The following ZNF473 variants were observed in gnomAD, a reference collection of about 807,000 sequenced individuals.
ZNF473 encodes the protein zinc finger protein 473, also known as zinc finger protein 100 homolog.
ZNF473 carries 4 observed loss-of-function variants against 11.1 expected under a neutral mutation model. The ratio of observed to expected loss-of-function variants is 0.36; its 90% confidence interval spans 0.18 to 0.82. ZNF473 has a LOEUF of 0.82. ZNF473 is among the 40% of genes least tolerant of loss of function. The probability of loss-of-function intolerance (pLI) is 0.49; values close to 1 mark genes in which losing one functional copy is unlikely to be tolerated. For missense variants in ZNF473, 854 were observed against 1,084.0 expected (o/e 0.79, Z 2.98); for synonymous variants, 404 against 390.4 (o/e 1.03, Z -0.41).
At chr19:50,043,564 A>G (rs1047193427) in intron 4 of ZNF473, 2 of 151,740 alleles carry the variant, frequency 1.3e-5, no homozygotes, top group Non-Finnish European at 2.9e-5. Context: ...GTCGAGTGTA[A>G]CAGAGTGCCT....
intron 1 of ZNF473, among the ~76,000 whole-genome samples, chr19:50,028,451 C>T (rs527737696): frequency 1.3e-5 from 2 of 152,126 alleles, no homozygotes; most frequent in East Asian, 3.9e-4. Context: ...AAGCGATCCT[C>T]CTACCTCAGT....
At chr19:50,037,949 C>T (rs1168621683) in intron 2 of ZNF473, among the ~76,000 whole-genome samples, 1 of 150,818 alleles carries the variant, frequency 6.6e-6, no homozygotes, top group East Asian at 1.9e-4. Flanking sequence ...AAAGGAGAGT[C>T]AAGCATTTAC....
intron 1 of ZNF473, among the ~76,000 whole-genome samples, chr19:50,027,588 A>T (rs552913318): frequency 1.3e-5 from 2 of 152,250 alleles, no homozygotes; most frequent in East Asian, 3.9e-4. Context: ...GCAGACAGGG[A>T]TCTCAAGCTC....
At chr19:50,027,197 GT>G (rs1289553983) in intron 1 of ZNF473, among the ~76,000 whole-genome samples, 7 of 152,156 alleles carry the variant, frequency 4.6e-5, no homozygotes, top group Admixed American at 1.3e-4. Flanking sequence ...ATCTGGGCCA[GT>G]TTTTGGTCAT....
At chr19:50,035,452 CGTGTGTGTGTGTGTGTGTGT>C (rs3222106) in intron 2 of ZNF473, among the ~76,000 whole-genome samples, 1 of 138,392 alleles carries the variant, frequency 7.2e-6, no homozygotes, top group Non-Finnish European at 1.5e-5. Flanking sequence ...TTCTTTCATA[CGTGTGTGTGTGTGTGTGTGT>C]GTGTGTGTGT....
intron 2 of ZNF473, among the ~76,000 whole-genome samples, chr19:50,034,409 G>A (rs1173846190): frequency 6.6e-6 from 1 of 152,048 alleles, no homozygotes; most frequent in African/African-American, 2.4e-5. Context: ...ATTTAAAAAA[G>A]TTTTTTTATT....
At chr19:50,043,446 A>C (rs866279792) in intron 4 of ZNF473, 1 of 107,364 alleles carries the variant, frequency 9.3e-6, no homozygotes, top group Admixed American at 9.9e-5. Context: ...AAAAAAAAAA[A>C]AAATATATAT....
intron 1 of ZNF473, among the ~76,000 whole-genome samples, chr19:50,027,018 C>T (rs574365157): frequency 5.9e-5 from 9 of 152,076 alleles, no homozygotes; most frequent in East Asian, 1.9e-4. Context: ...GTGTGCCAGG[C>T]GCCCTGCTGG....
rs545544517 is a variant in ZNF473 at position 50,038,710 on chromosome 19, T to C, written c.10-451T>C. 2.6e-5 allele frequency among the ~76,000 whole-genome samples: 4 copies of C among 152,280 alleles called. No individual in the cohort carries two copies. The South Asian group carries it at 8.3e-4, about 32-fold the overall frequency. On this transcript the variant is annotated intron_variant, in intron 2 of 4. Coordinates refer to ENST00000270617, the MANE Select transcript of ZNF473 (RefSeq NM_015428.4). ...GACTAATCTGTATACAGATTTTGAATGTGGTCTAGGTGTTCAGTGATTAAG... is the reference window on the plus strand; with the variant it reads ...GACTAATCTGTATACAGATTTTGAACGTGGTCTAGGTGTTCAGTGATTAAG...
chr19:50,027,782 G>A (rs572876323), intron 1 of ZNF473, among the ~76,000 whole-genome samples: 5 of 151,964 alleles, frequency 3.3e-5, no homozygotes, highest in Admixed American at 1.3e-4. Context: ...CCACCTCCCC[G>A]GTTGAAGCGA....
intron 1 of ZNF473, among the ~76,000 whole-genome samples, chr19:50,028,836 A>T (rs2077301517): frequency 6.6e-6 from 1 of 152,224 alleles, no homozygotes; most frequent in Non-Finnish European, 1.5e-5. Context: ...CTGTCAACTG[A>T]GTTATACTCG....
rs779639682 is a variant in ZNF473 at position 50,045,922 on chromosome 19, G to A, written c.1479G>A (p.Lys493=). 1 of 1,614,174 alleles carries A rather than the reference G, an allele frequency of 6.2e-7. No individual in the cohort carries two copies. The highest frequency in any genetic ancestry group is 8.5e-7 in the Non-Finnish European group (1 of 1,180,032). ...AEKPYSCAEC[K]ETFSDNNRLV... ...AGCCCTATAGCTGTGCTGAATGCAA[G>A]GAGACTTTCAGCGATAACAATCGCC... The change falls in exon 5 of 5, where the codon AAG becomes AAA. Residue 493 remains lysine (K), a synonymous_variant. Coordinates refer to ENST00000270617, the MANE Select transcript of ZNF473 (RefSeq NM_015428.4).
intron 1 of ZNF473, among the ~76,000 whole-genome samples, chr19:50,028,352 G>T (rs917233646): frequency 6.7e-6 from 1 of 150,252 alleles, no homozygotes; most frequent in East Asian, 2.0e-4. Context: ...ATCTTTCTCT[G>T]TCATTCAGGC....
Position 50,041,741 on chromosome 19 carries a change from C to T in ZNF473, c.148C>T (p.Pro50Ser), listed in dbSNP as rs149361700. The stretch of plus-strand genomic sequence containing the variant: ...TTCTCTCCCTGCAGACCCCCCAAGA[C>T]CCAACCTGACCTCCCACCCAGATGG... ...QDLFLLDPPR[P>S]NLTSHPDGSE... Residue 50 changes from proline to serine, a missense_variant, in exon 4 of 5, where the codon CCC (proline) becomes TCC (serine). By Grantham distance (74) the Pro-to-Ser change is moderately conservative. Around this residue, in one of 2 missense-constraint regions of ZNF473, gnomAD observed 668 missense variants for 790.2 expected, o/e 0.85. Coordinates refer to ENST00000270617, the MANE Select transcript of ZNF473 (RefSeq NM_015428.4). 7.7e-5 allele frequency: 124 copies of T among 1,611,916 alleles called. No individual in the cohort carries two copies. The highest frequency in any genetic ancestry group is 1.0e-4 in the Non-Finnish European group (122 of 1,179,108).
Position 50,045,807 on chromosome 19 carries a change from G to A in ZNF473, c.1364G>A (p.Gly455Asp). The stretch of plus-strand genomic sequence containing the variant: ...AATGAACATCGGCGAATTCATACAG[G>A]CTACAGACCCCACAAATGTCAGGAA... ...HLNEHRRIHT[G>D]YRPHKCQECV... Residue 455 changes from glycine (G) to aspartate (D), a missense_variant, in exon 5 of 5, where the codon GGC becomes GAC. Transcript: ENST00000270617. 6.2e-7 allele frequency: 1 copy of A among 1,614,010 alleles called. No individual in the cohort carries two copies. Among genetic ancestry groups the A allele is most frequent in the Non-Finnish European group, 8.5e-7 (1 of 1,179,972 alleles).
rs541108473 is a variant in ZNF473 at position 50,038,656 on chromosome 19, A to G, written c.10-505A>G. Among the ~76,000 whole-genome samples the G allele has an allele frequency of 2.6e-5, 4 of 152,308 alleles. No individual in the cohort carries two copies. In the South Asian group the frequency reaches 8.3e-4, roughly 32 times the overall value. On this transcript the variant is annotated intron_variant, in intron 2 of 4. Transcript: ENST00000270617. Reference sequence around the variant, plus strand: ...CCCTGGATTCTGATTGAGACGAGCTAGCTATAAAGACACACCACTGAGATG... The same window carrying G: ...CCCTGGATTCTGATTGAGACGAGCTGGCTATAAAGACACACCACTGAGATG...
At position 50,039,818 on chromosome 19, in the gene ZNF473, A is replaced by G. The variant is rs1600757867; in HGVS notation, c.136+531A>G. Among the ~76,000 whole-genome samples, 1 of 152,162 alleles carries G rather than the reference A, an allele frequency of 6.6e-6. No individual in the cohort carries two copies. The highest frequency in any genetic ancestry group is 1.9e-4 in the East Asian group (1 of 5,192). On this transcript the variant is annotated intron_variant, in intron 3 of 4. Transcript: ENST00000270617. This position sits in a 1 kb window ranked among gnomAD's most constrained non-coding sequence, Gnocchi z 4.8. ...TACTCATCTTGTCTGTCGCTCCCTC[A>G]CGTTCTAACTACCATTGTATCATTC...
Position 50,046,268 on chromosome 19 carries a change from C to T in ZNF473, c.1825C>T (p.His609Tyr). The change falls in exon 5 of 5, where the codon CAT (histidine) becomes TAT (tyrosine). Residue 609 changes from histidine to tyrosine, a missense_variant. By Grantham distance (83) the His-to-Tyr change is moderately conservative. Coordinates refer to ENST00000270617, the MANE Select transcript of ZNF473 (RefSeq NM_015428.4). This position sits in a 1 kb window ranked among gnomAD's most constrained non-coding sequence, Gnocchi z 5.9. ...TGGCCAAAGTACTCGGCTCATTCAC[C>T]ATCAAAGAATCCACTCTAGAGTGAG... ...AFGQSTRLIH[H>Y]QRIHSRVRLY... 1.2e-6 allele frequency: 2 copies of T among 1,614,160 alleles called. No homozygotes were observed. The highest frequency in any genetic ancestry group is 1.7e-6 in the Non-Finnish European group (2 of 1,180,030).
chr19:50,027,012 G>T (rs2077286776), intron 1 of ZNF473, among the ~76,000 whole-genome samples: 1 of 152,258 alleles, frequency 6.6e-6, no homozygotes, highest in Non-Finnish European at 1.5e-5. Flanking sequence ...CTTTCTGTGT[G>T]CCAGGCGCCC....
Sources: allele counts gnomAD v4.1 joint callset (sites outside exome capture counted in the v4.1 genomes callset), GRCh38; gene constraint gnomAD v4.1.1; regional missense constraint gnomAD v4.1.1; non-coding constraint Gnocchi (gnomAD v3.1); transcripts MANE v1.5; gene names NCBI Gene and HGNC (gene_info 2026-07-23, HGNC 2026-07-21).